Variants in TPRG1 observed in about 807,000 individuals in gnomAD.
The protein encoded by TPRG1 is tumor protein p63-regulated gene 1 protein.
TPRG1 carries 29 observed loss-of-function variants against 29.3 expected under a neutral mutation model. The observed-to-expected ratio is 0.99, with a 90% CI of 0.74 to 1.35. The LOEUF (loss-of-function observed/expected upper bound fraction) is 1.35, where lower values mean the gene tolerates loss of function less well. Ranked by LOEUF, TPRG1 falls within the 40% of genes most tolerant of loss-of-function variation. The pLI is 0.00. For missense variants in TPRG1, 327 were observed against 335.0 expected (o/e 0.98, Z 0.19); for synonymous variants, 130 against 116.8 (o/e 1.11, Z -0.73).
intron 3 of TPRG1, among the ~76,000 whole-genome samples, chr3:189,022,456 G>C (rs1449727522): frequency 2.0e-5 from 3 of 151,210 alleles, no homozygotes; most frequent in African/African-American, 7.3e-5. Context: ...TAACAGACAG[G>C]ACCCTCAGCT....
chr3:189,314,695 T>TA (rs34608549), intron 5 of TPRG1, among the ~76,000 whole-genome samples: 57,957 of 152,022 alleles, frequency 0.38, 11,856 homozygotes, highest in Middle Eastern at 0.49. Context: ...TTATGAGACA[T>TA]AAAAATATCT....
At chr3:189,092,327 T>C (rs1391518704) in intron 4 of TPRG1, among the ~76,000 whole-genome samples, 1 of 152,154 alleles carries the variant, frequency 6.6e-6, no homozygotes, top group Non-Finnish European at 1.5e-5. Flanking sequence ...CAGGTGATGG[T>C]GATGTTGCTG....
At chr3:189,236,064 G>A (rs1335935141) in intron 3 of TPRG1, among the ~76,000 whole-genome samples, 2 of 152,152 alleles carry the variant, frequency 1.3e-5, no homozygotes, top group African/African-American at 4.8e-5. Flanking sequence ...GTTCTTAGGG[G>A]AGAAAGTGTG....
chr3:189,142,205 C>T (rs767268221), intron 3 of TPRG1, among the ~76,000 whole-genome samples: 8 of 152,072 alleles, frequency 5.3e-5, no homozygotes, highest in African/African-American at 1.7e-4. Context: ...CTTCCATCTT[C>T]GTGGTGATGC....
intron 3 of TPRG1, among the ~76,000 whole-genome samples, chr3:189,229,479 T>A (rs1191647105): frequency 6.6e-6 from 1 of 152,138 alleles, no homozygotes; most frequent in Non-Finnish European, 1.5e-5. Context: ...TGAACAAAAT[T>A]CTCTATCTTG....
chr3:189,072,335 C>T (rs1716859617), intron 4 of TPRG1, among the ~76,000 whole-genome samples: 2 of 152,100 alleles, frequency 1.3e-5, no homozygotes, highest in African/African-American at 4.8e-5. Flanking sequence ...ATTTAGGTGT[C>T]ATGTTTCTTT....
chr3:189,149,214 G>A (rs1191233554), intron 4 of TPRG1, among the ~76,000 whole-genome samples: 3 of 152,152 alleles, frequency 2.0e-5, no homozygotes, highest in Non-Finnish European at 2.9e-5. Flanking sequence ...CACGTGTAGG[G>A]AGGTGGATAG....
At chr3:189,184,393 C>T (rs370767112) in intron 1 of TPRG1, among the ~76,000 whole-genome samples, 39 of 152,104 alleles carry the variant, frequency 2.6e-4, no homozygotes, top group African/African-American at 7.5e-4. Context: ...AGGCAGTTTA[C>T]GAAACAACAC....
upstream of TPRG1, among the ~76,000 whole-genome samples, chr3:189,170,934 T>A (rs1728742982): frequency 6.6e-6 from 1 of 152,236 alleles, no homozygotes; most frequent in South Asian, 2.1e-4. Context: ...ATCAAACAAA[T>A]ACAATCTGAT....
intron 4 of TPRG1, among the ~76,000 whole-genome samples, chr3:189,246,707 T>C (rs1006347924): frequency 1.3e-5 from 2 of 152,332 alleles, no homozygotes; most frequent in African/African-American, 2.4e-5. Flanking sequence ...TTTTTCTTTC[T>C]GAAAATACTT....
intron 4 of TPRG1, among the ~76,000 whole-genome samples, chr3:189,026,604 G>C (rs1327230616): frequency 6.6e-6 from 1 of 152,140 alleles, no homozygotes; most frequent in African/African-American, 2.4e-5. Context: ...TGGCAAGTAG[G>C]GTTTAAGCTT....
intron 4 of TPRG1, among the ~76,000 whole-genome samples, chr3:189,081,000 G>A (rs1717554618): frequency 6.6e-6 from 1 of 152,130 alleles, no homozygotes; most frequent in East Asian, 1.9e-4. Context: ...CAAGGGATTG[G>A]CAGCAGGTGT....
At chr3:189,074,199 C>CTTTT (rs554150288) in intron 4 of TPRG1, among the ~76,000 whole-genome samples, 39 of 68,068 alleles carry the variant, frequency 5.7e-4, no homozygotes, top group East Asian at 7.6e-4. Context: ...AATTATTTTC[C>CTTTT]TTTTTTTTTT....
chr3:189,230,156 G>A (rs956080760), intron 3 of TPRG1, among the ~76,000 whole-genome samples: 10 of 152,188 alleles, frequency 6.6e-5, no homozygotes, highest in African/African-American at 2.2e-4. Context: ...AAAGAGAGAA[G>A]GATGGGGGCG....
chr3:189,296,902 A>G (rs1677431496), intron 4 of TPRG1, among the ~76,000 whole-genome samples: 1 of 152,206 alleles, frequency 6.6e-6, no homozygotes, highest in Admixed American at 6.5e-5. Flanking sequence ...TTATAACTCC[A>G]CTAAATGATA....
intron 4 of TPRG1, among the ~76,000 whole-genome samples, chr3:189,091,755 A>T (rs1578331842): frequency 6.6e-6 from 1 of 152,264 alleles, no homozygotes; most frequent in East Asian, 1.9e-4. Flanking sequence ...GAGATTATGC[A>T]CTGAGTTATT....
intron 1 of TPRG1, among the ~76,000 whole-genome samples, chr3:189,106,699 TCA>T (rs1365652565): frequency 6.6e-6 from 1 of 152,172 alleles, no homozygotes; most frequent in Non-Finnish European, 1.5e-5. Context: ...TAAATGATTG[TCA>T]CACACTGTTT....
At chr3:189,288,536 T>C (rs1718461585) in intron 4 of TPRG1, among the ~76,000 whole-genome samples, 1 of 152,242 alleles carries the variant, frequency 6.6e-6, no homozygotes, top group African/African-American at 2.4e-5. Context: ...ATATTCAGCT[T>C]TGTAAATGAC....
chr3:189,283,797 G>A (rs906271255), intron 4 of TPRG1, among the ~76,000 whole-genome samples: 1 of 152,134 alleles, frequency 6.6e-6, no homozygotes, highest in African/African-American at 2.4e-5. Flanking sequence ...AAAACGTGAG[G>A]CACGAGGAGA....
Sources: allele counts gnomAD v4.1 joint callset (sites outside exome capture counted in the v4.1 genomes callset), GRCh38; gene constraint gnomAD v4.1.1; transcripts MANE v1.5; gene names NCBI Gene and HGNC (gene_info 2026-07-23, HGNC 2026-07-21).